Variants in CNTNAP2 observed in about 807,000 individuals in gnomAD.
CNTNAP2 encodes the protein contactin associated protein 2.
Under a neutral mutation model 155.2 loss-of-function variants are expected in CNTNAP2, and 98 were observed. The observed-to-expected ratio is 0.63, with a 90% confidence interval of 0.54 to 0.75. CNTNAP2 has a LOEUF of 0.75. Ranked by LOEUF, CNTNAP2 falls within the 30% of genes least tolerant of loss-of-function variation. The pLI is 0.00. For missense variants in CNTNAP2, 1,727 were observed against 1,688.1 expected (o/e 1.02, Z -0.40); for synonymous variants, 651 against 631.2 (o/e 1.03, Z -0.47).
intron 15 of CNTNAP2, among the ~76,000 whole-genome samples, chr7:148,028,156 G>A (rs1048117409): frequency 1.2e-4 from 18 of 152,066 alleles, no homozygotes; most frequent in African/African-American, 1.9e-4. Context: ...AGACGAAATC[G>A]GTGTCATAAG....
At chr7:146,735,665 A>G (rs562351145) in intron 1 of CNTNAP2, among the ~76,000 whole-genome samples, 11 of 136,242 alleles carry the variant, frequency 8.1e-5, no homozygotes, top group Non-Finnish European at 1.3e-4. Context: ...CTATGTTTAT[A>G]GCTATTTATA....
intron 21 of CNTNAP2, among the ~76,000 whole-genome samples, chr7:148,275,055 A>T (rs1447346857): frequency 6.6e-6 from 1 of 152,214 alleles, no homozygotes; most frequent in Non-Finnish European, 1.5e-5. Context: ...GCATTGTATA[A>T]GTCCCTGGAA....
intron 16 of CNTNAP2, among the ~76,000 whole-genome samples, chr7:148,121,108 C>T (rs1804586372): frequency 6.6e-6 from 1 of 151,988 alleles, no homozygotes; most frequent in African/African-American, 2.4e-5. Flanking sequence ...AATCTCAGCT[C>T]ACTGCAACCT....
intron 1 of CNTNAP2, among the ~76,000 whole-genome samples, chr7:146,257,447 A>G (rs1201691718): frequency 6.6e-6 from 1 of 152,206 alleles, no homozygotes; most frequent in Admixed American, 6.5e-5. Context: ...TGTTTTACTT[A>G]TACCTAGGTG....
intron 1 of CNTNAP2, among the ~76,000 whole-genome samples, chr7:146,353,209 G>A (rs1196517278): frequency 2.6e-5 from 4 of 152,054 alleles, no homozygotes; most frequent in Admixed American, 6.6e-5. Flanking sequence ...TGTCAATGCC[G>A]TACATATTAA....
chr7:148,309,925 G>A (rs562440979), intron 21 of CNTNAP2, among the ~76,000 whole-genome samples: 14 of 152,114 alleles, frequency 9.2e-5, no homozygotes, highest in East Asian at 1.9e-4. Context: ...GATAATGGGC[G>A]ATGTTTCTTA....
chr7:147,260,341 A>G (rs1351636859), intron 8 of CNTNAP2, among the ~76,000 whole-genome samples: 13 of 152,212 alleles, frequency 8.5e-5, no homozygotes, highest in Admixed American at 4.6e-4. Context: ...TCTCTAAGAT[A>G]CATTTCATGT....
At chr7:148,383,912 CA>C in intron 22 of CNTNAP2, 24 bp downstream of exon 22, 1 of 1,605,452 alleles carries the variant, frequency 6.2e-7, no homozygotes, top group Non-Finnish European at 8.5e-7. Flanking sequence ...CAACCTCAGG[CA>C]GGTTGCTTCA....
intron 3 of CNTNAP2, among the ~76,000 whole-genome samples, chr7:146,864,354 A>ATT (rs1795161733): frequency 6.6e-6 from 1 of 152,184 alleles, no homozygotes; most frequent in Non-Finnish European, 1.5e-5. Flanking sequence ...AGATATAAAA[A>ATT]AATCATTTGA....
At chr7:146,325,119 G>A (rs1801074969) in intron 1 of CNTNAP2, among the ~76,000 whole-genome samples, 1 of 151,802 alleles carries the variant, frequency 6.6e-6, no homozygotes, top group Non-Finnish European at 1.5e-5. Context: ...TCTTTAGAGA[G>A]GAAGCCTCAC....
chr7:147,368,617 C>T (rs1169135175), intron 9 of CNTNAP2, among the ~76,000 whole-genome samples: 1 of 152,162 alleles, frequency 6.6e-6, no homozygotes, highest in Non-Finnish European at 1.5e-5. Flanking sequence ...GCAGGAGCAG[C>T]TCTGGCTACT....
intron 1 of CNTNAP2, among the ~76,000 whole-genome samples, chr7:146,493,372 A>G (rs1311219766): frequency 6.6e-6 from 1 of 152,302 alleles, no homozygotes; most frequent in African/African-American, 2.4e-5. Context: ...TAAAATAAGT[A>G]GATTGTTTTG....
intron 8 of CNTNAP2, among the ~76,000 whole-genome samples, chr7:147,295,530 G>A (rs562752388): frequency 3.9e-4 from 59 of 152,166 alleles, no homozygotes; most frequent in Non-Finnish European, 6.6e-4. Context: ...GAGGTATTAC[G>A]AATCAAATGC....
chr7:146,944,103 G>A (rs1405737163), intron 3 of CNTNAP2, among the ~76,000 whole-genome samples: 2 of 151,054 alleles, frequency 1.3e-5, no homozygotes, highest in Non-Finnish European at 2.9e-5. Context: ...CTAGATTTGT[G>A]TATCATTTAT....
At chr7:146,480,109 G>C (rs1796937596) in intron 1 of CNTNAP2, among the ~76,000 whole-genome samples, 1 of 152,018 alleles carries the variant, frequency 6.6e-6, no homozygotes, top group African/African-American at 2.4e-5. Context: ...GCACCCTCTG[G>C]GAATGAGGTA....
chr7:146,935,635 G>T (rs983593939), intron 3 of CNTNAP2, among the ~76,000 whole-genome samples: 1 of 152,184 alleles, frequency 6.6e-6, no homozygotes, highest in African/African-American at 2.4e-5. Flanking sequence ...TAATTACACA[G>T]CAGATTTTAA....
chr7:146,622,723 G>A (rs923601284), intron 1 of CNTNAP2, among the ~76,000 whole-genome samples: 8 of 152,098 alleles, frequency 5.3e-5, no homozygotes, highest in African/African-American at 9.6e-5. Context: ...TTGGGAGGCC[G>A]AGGCAGGCGG....
intron 13 of CNTNAP2, among the ~76,000 whole-genome samples, chr7:147,684,177 C>T (rs1795988059): frequency 6.6e-6 from 1 of 151,776 alleles, no homozygotes; most frequent in South Asian, 2.1e-4. Flanking sequence ...TTCTGAAATA[C>T]TAACAAAGTT....
At chr7:148,335,488 A>G (rs143104907) in intron 21 of CNTNAP2, among the ~76,000 whole-genome samples, 95 of 152,308 alleles carry the variant, frequency 6.2e-4, no homozygotes, top group Non-Finnish European at 1.3e-3. Flanking sequence ...CAGCTGTGAT[A>G]GCACACCTAG....
Sources: allele counts gnomAD v4.1 joint callset (sites outside exome capture counted in the v4.1 genomes callset), GRCh38; gene constraint gnomAD v4.1.1; transcripts MANE v1.5; gene names NCBI Gene and HGNC (gene_info 2026-07-23, HGNC 2026-07-21).